The following GPC5 variants were observed in gnomAD, a reference collection of about 807,000 sequenced individuals.
The protein encoded by GPC5 is glypican-5.
GPC5 carries 47 observed loss-of-function variants against 53.9 expected under a neutral mutation model. The observed-to-expected ratio is 0.87, with a 90% CI of 0.69 to 1.11. The LOEUF (loss-of-function observed/expected upper bound fraction) is 1.11, where lower values mean the gene tolerates loss of function less well. GPC5 is among the 50% of genes most tolerant of loss of function. The pLI, the probability that GPC5 is intolerant of heterozygous loss-of-function variation, is 0.00. For missense variants in GPC5, 748 were observed against 713.1 expected (o/e 1.05, Z -0.56); for synonymous variants, 286 against 263.3 (o/e 1.09, Z -0.84).
intron 6 of GPC5, among the ~76,000 whole-genome samples, chr13:91,926,359 T>TAAAA (rs34690525): frequency 0.031 from 3,025 of 96,194 alleles, 98 homozygotes; most frequent in African/African-American, 0.082. Flanking sequence ...AGACTCCACC[T>TAAAA]AAAAAAAAAA....
chr13:92,031,706 A>AT (rs2040844026), intron 6 of GPC5, among the ~76,000 whole-genome samples: 1 of 63,500 alleles, frequency 1.6e-5, no homozygotes, highest in Non-Finnish European at 2.9e-5. Context: ...AATATATTAT[A>AT]TATATTACAT....
intron 4 of GPC5, among the ~76,000 whole-genome samples, chr13:91,738,393 G>A (rs2036858898): frequency 6.6e-6 from 1 of 151,222 alleles, no homozygotes; most frequent in Non-Finnish European, 1.5e-5. Context: ...CATAACCGTG[G>A]TTGACTTATA....
intron 2 of GPC5, among the ~76,000 whole-genome samples, chr13:91,455,766 C>G (rs954706230): frequency 3.9e-5 from 6 of 152,064 alleles, no homozygotes; most frequent in African/African-American, 1.4e-4. Flanking sequence ...AAAAAATTTG[C>G]TGTTGTCTGC....
chr13:92,077,871 C>A (rs576582783), intron 6 of GPC5, among the ~76,000 whole-genome samples: 4 of 152,162 alleles, frequency 2.6e-5, no homozygotes, highest in African/African-American at 9.6e-5. Context: ...TCCCTAAATA[C>A]CCCACAGATA....
intron 7 of GPC5, among the ~76,000 whole-genome samples, chr13:92,229,810 A>G (rs12872259): frequency 0.11 from 16,401 of 152,148 alleles, 909 homozygotes; most frequent in East Asian, 0.17. Flanking sequence ...TCATATAACT[A>G]TCTTCATGGC....
chr13:91,795,292 T>C (rs1279780714), intron 5 of GPC5, among the ~76,000 whole-genome samples: 1 of 152,204 alleles, frequency 6.6e-6, no homozygotes, highest in Non-Finnish European at 1.5e-5. Context: ...TTTTTATTAA[T>C]TTCAAATAAG....
chr13:91,873,762 C>T (rs963561027), intron 5 of GPC5, among the ~76,000 whole-genome samples: 6 of 152,190 alleles, frequency 3.9e-5, no homozygotes, highest in African/African-American at 9.7e-5. Context: ...CAGCTCACTG[C>T]AACCCCTGCC....
At chr13:92,681,768 C>T (rs1419938459) in intron 7 of GPC5, among the ~76,000 whole-genome samples, 2 of 152,128 alleles carry the variant, frequency 1.3e-5, no homozygotes, top group African/African-American at 4.8e-5. Flanking sequence ...TTCCTAGACC[C>T]TTAACTTTGC....
chr13:91,516,499 C>G (rs1398116140), intron 2 of GPC5, among the ~76,000 whole-genome samples: 1 of 152,184 alleles, frequency 6.6e-6, no homozygotes, highest in Non-Finnish European at 1.5e-5. Flanking sequence ...TCTTGGACAG[C>G]CCCACTCCTG....
intron 7 of GPC5, among the ~76,000 whole-genome samples, chr13:92,633,189 A>G (rs1885311569): frequency 6.6e-6 from 1 of 152,146 alleles, no homozygotes; most frequent in Non-Finnish European, 1.5e-5. Flanking sequence ...CACCACGCCC[A>G]GCCAAAACTC....
chr13:91,400,484 T>C (rs1335659338), intron 1 of GPC5, among the ~76,000 whole-genome samples: 1 of 152,212 alleles, frequency 6.6e-6, no homozygotes, highest in Non-Finnish European at 1.5e-5. Context: ...GATTCTTCTA[T>C]CCCCAAATAA....
At chr13:92,651,994 T>G (rs1360018397) in intron 7 of GPC5, among the ~76,000 whole-genome samples, 1 of 152,144 alleles carries the variant, frequency 6.6e-6, no homozygotes, top group Non-Finnish European at 1.5e-5. Context: ...TGACCCACTT[T>G]ATGCAAAAAT....
chr13:92,730,780 A>G (rs1888780096), intron 7 of GPC5, among the ~76,000 whole-genome samples: 1 of 151,410 alleles, frequency 6.6e-6, no homozygotes, highest in African/African-American at 2.4e-5. Flanking sequence ...AAACTGGCAA[A>G]TGCAAGTAGG....
chr13:91,543,460 T>C (rs982161316), intron 2 of GPC5, among the ~76,000 whole-genome samples: 2 of 152,170 alleles, frequency 1.3e-5, no homozygotes, highest in Non-Finnish European at 2.9e-5. Flanking sequence ...TTATAATTGC[T>C]TTTGTTTTTT....
intron 7 of GPC5, among the ~76,000 whole-genome samples, chr13:92,741,006 C>T (rs1423465428): frequency 7.4e-6 from 1 of 135,950 alleles, no homozygotes; most frequent in African/African-American, 2.8e-5. Context: ...AGATAAAGGT[C>T]TCTACTTATT....
At chr13:92,458,984 A>C (rs1023334984) in intron 7 of GPC5, among the ~76,000 whole-genome samples, 3 of 152,054 alleles carry the variant, frequency 2.0e-5, no homozygotes, top group Non-Finnish European at 4.4e-5. Context: ...TATGCACCCT[A>C]ATATTATCAT....
chr13:92,030,481 G>T (rs2040832282), intron 6 of GPC5, among the ~76,000 whole-genome samples: 1 of 152,092 alleles, frequency 6.6e-6, no homozygotes, highest in Non-Finnish European at 1.5e-5. Context: ...CAAACACCAT[G>T]CAGGTTCAAT....
intron 7 of GPC5, among the ~76,000 whole-genome samples, chr13:92,201,285 A>T (rs2042293471): frequency 1.3e-5 from 2 of 152,208 alleles, no homozygotes; most frequent in African/African-American, 2.4e-5. Context: ...GTATTTCATC[A>T]GTTCTAAGTT....
At chr13:92,827,945 G>A (rs1008763229) in intron 7 of GPC5, among the ~76,000 whole-genome samples, 11 of 152,050 alleles carry the variant, frequency 7.2e-5, no homozygotes, top group Non-Finnish European at 1.3e-4. Context: ...AGACACTGAG[G>A]GAGCTACAAG....
Sources: gnomAD v4.1 joint callset for allele counts (sites outside exome capture counted in the v4.1 genomes callset) on GRCh38, gnomAD v4.1.1 for gene constraint, MANE v1.5 for transcripts, NCBI Gene and HGNC (gene_info 2026-07-23, HGNC 2026-07-21) for gene names.